WWOX: variants seen among roughly 807,000 people sequenced by gnomAD.
WWOX encodes the protein WW domain-containing oxidoreductase.
In WWOX, 69 loss-of-function variants were observed where a neutral mutation model predicts 46.2. The observed-to-expected ratio is 1.49, with a 90% CI of 1.23 to 1.82. The LOEUF is 1.82. Among genes scored for constraint, WWOX ranks in the 40% most tolerant of loss-of-function variants. The probability of loss-of-function intolerance (pLI) is 0.00; values close to 1 mark genes in which losing one functional copy is unlikely to be tolerated. For missense variants in WWOX, 919 were observed against 542.6 expected (o/e 1.69, Z -6.89); for synonymous variants, 359 against 202.6 (o/e 1.77, Z -6.56).
At chr16:78,436,598 A>G (rs2151390338) in intron 8 of WWOX, among the ~76,000 whole-genome samples, 1 of 152,308 alleles carries the variant, frequency 6.6e-6, no homozygotes. Flanking sequence ...TACAGAAGTT[A>G]TTGAGGTTTT....
At chr16:78,579,777 G>C (rs1190813194) in intron 8 of WWOX, among the ~76,000 whole-genome samples, 2 of 151,908 alleles carry the variant, frequency 1.3e-5, no homozygotes, top group African/African-American at 4.9e-5. Context: ...TGAGAAATGA[G>C]GAGATAATAT....
At chr16:78,978,265 C>A (rs570230898) in intron 8 of WWOX, among the ~76,000 whole-genome samples, 1 of 152,286 alleles carries the variant, frequency 6.6e-6, no homozygotes, top group East Asian at 1.9e-4. Flanking sequence ...GGGTTATTTC[C>A]ACCTTTTTGC....
chr16:78,651,282 G>A (rs1030824512), intron 8 of WWOX, among the ~76,000 whole-genome samples: 10 of 152,256 alleles, frequency 6.6e-5, no homozygotes, highest in Non-Finnish European at 1.5e-5. Flanking sequence ...GCGAGTGAGT[G>A]CGAGCGAGAG....
At chr16:78,437,573 CTCT>C (rs150436443) in intron 8 of WWOX, among the ~76,000 whole-genome samples, 10,790 of 152,220 alleles carry the variant, frequency 0.071, 439 homozygotes, top group South Asian at 0.1. Context: ...CTCTGCCTCC[CTCT>C]TCTTCTTCAG....
At chr16:78,572,317 G>A (rs529469085) in intron 8 of WWOX, among the ~76,000 whole-genome samples, 3 of 152,310 alleles carry the variant, frequency 2.0e-5, no homozygotes, top group East Asian at 3.9e-4. Flanking sequence ...GTTTACAGCT[G>A]GGCACAGTGG....
At chr16:78,698,009 C>G (rs934516081) in intron 8 of WWOX, among the ~76,000 whole-genome samples, 1 of 152,084 alleles carries the variant, frequency 6.6e-6, no homozygotes, top group East Asian at 1.9e-4. Context: ...TTTAGTAGGT[C>G]AAGATATACT....
chr16:78,361,295 T>G (rs1215000880), intron 5 of WWOX, among the ~76,000 whole-genome samples: 1 of 152,236 alleles, frequency 6.6e-6, no homozygotes, highest in African/African-American at 2.4e-5. Flanking sequence ...GAACATAATG[T>G]TGATCTGTCT....
At chr16:78,244,585 C>G (rs964924996) in intron 5 of WWOX, among the ~76,000 whole-genome samples, 1 of 152,114 alleles carries the variant, frequency 6.6e-6, no homozygotes, top group African/African-American at 2.4e-5. Flanking sequence ...TTTCCTGGTC[C>G]TTTTGAGTAA....
At chr16:78,902,487 T>C (rs1374157610) in intron 8 of WWOX, among the ~76,000 whole-genome samples, 1 of 152,200 alleles carries the variant, frequency 6.6e-6, no homozygotes. Context: ...GTTAAGGCAT[T>C]TCACAATGTC....
Position 78,803,140 on chromosome 16 carries a change from C to T in WWOX, c.1056+370388C>T, listed in dbSNP as rs185162043. ...TATATATAAATTAGTCTTTCAGGAT[C>T]CAACAGTTCTGATTTATTCCACTCA... On this transcript the variant is annotated intron_variant, in intron 8 of 8. Transcript: ENST00000566780. 2.2e-4 allele frequency among the ~76,000 whole-genome samples: 34 copies of T among 151,558 alleles called. No homozygotes were observed. In the East Asian group the frequency reaches 6.4e-3, roughly 29 times the overall value.
intron 8 of WWOX, among the ~76,000 whole-genome samples, chr16:78,790,757 T>A (rs533870948): frequency 6.6e-6 from 1 of 152,152 alleles, no homozygotes; most frequent in African/African-American, 2.4e-5. Flanking sequence ...CAGTGACTCA[T>A]GCCTGTAACC....
intron 8 of WWOX, among the ~76,000 whole-genome samples, chr16:78,579,389 G>T (rs955759256): frequency 3.3e-5 from 5 of 152,166 alleles, no homozygotes; most frequent in Admixed American, 6.5e-5. Context: ...CCAAATTGAA[G>T]GGTAAACTGA....
rs7202512 is a variant in WWOX at position 78,248,428 on chromosome 16, A to G, written c.516+84139A>G. 1.8e-3 allele frequency among the ~76,000 whole-genome samples: 270 copies of G among 152,236 alleles called. 1 individual carries two copies. The highest frequency in any genetic ancestry group is 6.8e-3 in the Middle Eastern group (2 of 294). ...CACCTTCCACCAGGCCCCACCTCCA[A>G]CGTTAGGGATTACATTTGGACATGA... On this transcript the variant is annotated intron_variant, in intron 5 of 8. Transcript: ENST00000566780.
intron 4 of WWOX, among the ~76,000 whole-genome samples, chr16:78,121,732 G>A (rs565458893): frequency 6.6e-6 from 1 of 151,788 alleles, no homozygotes; most frequent in Non-Finnish European, 1.5e-5. Context: ...CGTGATCTCA[G>A]CTCACTGCAA....
intron 8 of WWOX, among the ~76,000 whole-genome samples, chr16:78,766,142 A>G (rs1446313324): frequency 6.6e-6 from 1 of 152,204 alleles, no homozygotes; most frequent in Non-Finnish European, 1.5e-5. Context: ...GTCGGTGGGA[A>G]CTGGGTCAGG....
chr16:78,466,466 G>C (rs1799726725), intron 8 of WWOX, among the ~76,000 whole-genome samples: 1 of 152,194 alleles, frequency 6.6e-6, no homozygotes, highest in African/African-American at 2.4e-5. Context: ...TTTCATCTCA[G>C]CAAAAAGAGG....
At chr16:79,195,520 C>G (rs949014339) in intron 8 of WWOX, among the ~76,000 whole-genome samples, 1 of 152,034 alleles carries the variant, frequency 6.6e-6, no homozygotes. Context: ...GCCTCCTGGC[C>G]CAGAATGGGG....
chr16:78,407,744 G>T (rs117319524), intron 6 of WWOX, among the ~76,000 whole-genome samples: 8 of 152,082 alleles, frequency 5.3e-5, no homozygotes, highest in African/African-American at 1.9e-4. Flanking sequence ...GCTATTCAAC[G>T]TCCTGTAGAC....
chr16:79,183,557 A>G (rs2050954333), intron 8 of WWOX, among the ~76,000 whole-genome samples: 2 of 152,142 alleles, frequency 1.3e-5, no homozygotes, highest in African/African-American at 4.8e-5. Context: ...AATTTACTGT[A>G]TTCTTACTCT....
Sources: allele counts gnomAD v4.1 joint callset (sites outside exome capture counted in the v4.1 genomes callset), GRCh38; gene constraint gnomAD v4.1.1; transcripts MANE v1.5; gene names NCBI Gene and HGNC (gene_info 2026-07-23, HGNC 2026-07-21).